Variants in EPHA3 observed in about 807,000 individuals in gnomAD.
EPHA3 encodes the protein ephrin type-A receptor 3.
In EPHA3, 42 loss-of-function variants were observed where a neutral mutation model predicts 107.1. The ratio of observed to expected loss-of-function variants is 0.39; its 90% CI spans 0.31 to 0.51. The LOEUF (loss-of-function observed/expected upper bound fraction) is 0.51. EPHA3 is among the 20% of genes least tolerant of loss of function. The probability of loss-of-function intolerance (pLI) is 0.78; values close to 1 mark genes in which losing one functional copy is unlikely to be tolerated. For missense variants in EPHA3, 1,183 were observed against 1,211.2 expected, an observed-to-expected ratio of 0.98 and a Z score of 0.35; for synonymous variants, 461 against 424.8, an observed-to-expected ratio of 1.09 and a Z score of -1.05.
chr3:89,454,369 G>A (rs1423696858), intron 15 of EPHA3, among the ~76,000 whole-genome samples: 1 of 152,086 alleles, frequency 6.6e-6, no homozygotes. Context: ...TACACCAGCA[G>A]CTACCCATTC....
chr3:89,400,091 T>C, intron 7 of EPHA3: 1 of 1,014,748 alleles, frequency 9.9e-7, no homozygotes, highest in Non-Finnish European at 1.2e-6. Flanking sequence ...AAAAGCCCTT[T>C]GCTAAAATAT....
At chr3:89,165,143 A>G (rs1297622079) in intron 2 of EPHA3, among the ~76,000 whole-genome samples, 1 of 152,214 alleles carries the variant, frequency 6.6e-6, no homozygotes, top group African/African-American at 2.4e-5. Context: ...ATGCAACAAC[A>G]TTCTAGACAA....
At chr3:89,166,821 T>TTTTGAATGGATAATTC (rs1705082743) in intron 2 of EPHA3, among the ~76,000 whole-genome samples, 1 of 152,162 alleles carries the variant, frequency 6.6e-6, no homozygotes, top group Admixed American at 6.5e-5. Context: ...AAGGGGGTGC[T>TTTTGAATGGATAATTC]TTTGAATGGA....
At chr3:89,153,317 C>T (rs1704727702) in intron 2 of EPHA3, among the ~76,000 whole-genome samples, 1 of 152,096 alleles carries the variant, frequency 6.6e-6, no homozygotes, top group Non-Finnish European at 1.5e-5. Flanking sequence ...GGTCCTTCTT[C>T]ATTGACTTTG....
chr3:89,393,066 C>T (rs373714550), intron 5 of EPHA3, among the ~76,000 whole-genome samples: 2 of 151,832 alleles, frequency 1.3e-5, no homozygotes, highest in Non-Finnish European at 1.5e-5. Context: ...TAAAAAGTAC[C>T]GGGCTTCCAG....
chr3:89,145,884 T>C (rs1162453469), intron 2 of EPHA3, among the ~76,000 whole-genome samples: 23 of 151,814 alleles, frequency 1.5e-4, no homozygotes, highest in Admixed American at 1.4e-3. Flanking sequence ...TCTTTGGCTT[T>C]AAAATAAGTT....
In EPHA3 at chr3:89,225,150, T is replaced by C. The variant is rs1576245206; in HGVS notation, c.814+14630T>C. On this transcript the variant is annotated intron_variant, in intron 3 of 16. Coordinates refer to ENST00000336596, the MANE Select transcript of EPHA3 (RefSeq NM_005233.6). The stretch of plus-strand genomic sequence containing the variant: ...CTAAAGACGTGAAGGTAGTAATTTG[T>C]AATCACATTTTATTTGCTATTATTT... Among the ~76,000 whole-genome samples the C allele has an allele frequency of 3.3e-5, 5 of 152,170 alleles. No individual in the cohort carries two copies. In the South Asian group the frequency reaches 8.3e-4, roughly 25 times the overall value.
chr3:89,208,548 GAGAA>G (rs1278568025), intron 2 of EPHA3, among the ~76,000 whole-genome samples: 94 of 143,734 alleles, frequency 6.5e-4, no homozygotes, highest in African/African-American at 1.6e-3. Flanking sequence ...AAAAAAGAAA[GAGAA>G]AGAAAGAAAG....
At chr3:89,209,215 C>T (rs1201120300) in intron 2 of EPHA3, among the ~76,000 whole-genome samples, 2 of 152,082 alleles carry the variant, frequency 1.3e-5, no homozygotes, top group Non-Finnish European at 2.9e-5. Flanking sequence ...CTTTAAGAAT[C>T]GAATGTTTGC....
chr3:89,176,740 C>T (rs569734419), intron 2 of EPHA3, among the ~76,000 whole-genome samples: 1 of 152,114 alleles, frequency 6.6e-6, no homozygotes, highest in East Asian at 1.9e-4. Context: ...TTAATACATA[C>T]ATCATAAAAT....
intron 3 of EPHA3, among the ~76,000 whole-genome samples, chr3:89,283,264 C>A (rs1705991858): frequency 6.6e-6 from 1 of 152,024 alleles, no homozygotes; most frequent in Non-Finnish European, 1.5e-5. Context: ...CCTTGTGTAA[C>A]TGAAACGTCA....
In EPHA3 at chr3:89,431,231, A is replaced by G. The variant is rs762621864; in HGVS notation, c.2218A>G (p.Met740Val). 2.5e-6 allele frequency: 4 copies of G among 1,613,928 alleles called. No homozygotes were observed. The highest frequency in any genetic ancestry group is 1.1e-5 in the South Asian group (1 of 91,078). The change falls in exon 13 of 17, where the codon ATG (methionine) becomes GTG (valine). Residue 740 changes from methionine to valine, a missense_variant. Coordinates refer to ENST00000336596, the MANE Select transcript of EPHA3 (RefSeq NM_005233.6). ...IASGMKYLSD[M>V]GYVHRDLAAR... is the part of the protein sequence containing the mutation. ...ATCTGGCATGAAGTACCTGTCAGAC[A>G]TGGGCTATGTTCACCGAGACCTCGC...
At position 89,472,498 on chromosome 3, in the gene EPHA3, G is replaced by T. The variant is rs374961385; in HGVS notation, c.2725G>T (p.Asp909Tyr). The change falls in exon 16 of 17, where the codon GAT becomes TAT. Residue 909 changes from aspartate to tyrosine, a missense_variant. Coordinates refer to ENST00000336596, the MANE Select transcript of EPHA3 (RefSeq NM_005233.6). ...CCTTCTTCTGGACCAAAGCAATGTGGATATCACTACCTTCCGCACAACAGG... is the reference window on the plus strand; with the variant it reads ...CCTTCTTCTGGACCAAAGCAATGTGTATATCACTACCTTCCGCACAACAGG... ...SNLLLDQSNVDITTFRTTGDW... is the reference protein window; with the variant it reads ...SNLLLDQSNVYITTFRTTGDW... The T allele has an allele frequency of 3.7e-6, 6 of 1,613,998 alleles. No homozygotes were observed. Among genetic ancestry groups the T allele is most frequent in the African/African-American group, 2.7e-5 (2 of 75,022 alleles).
At chr3:89,243,358 T>G (rs1490000585) in intron 3 of EPHA3, among the ~76,000 whole-genome samples, 1 of 152,032 alleles carries the variant, frequency 6.6e-6, no homozygotes, top group African/African-American at 2.4e-5. Context: ...TGAACTAGTT[T>G]ACAGTCCCAC....
intron 2 of EPHA3, among the ~76,000 whole-genome samples, chr3:89,163,184 A>G (rs1387468958): frequency 6.6e-6 from 1 of 152,172 alleles, no homozygotes; most frequent in Non-Finnish European, 1.5e-5. Context: ...TTCTTCTATA[A>G]TATAGGGATG....
At chr3:89,279,437 T>G (rs1705889520) in intron 3 of EPHA3, among the ~76,000 whole-genome samples, 1 of 152,136 alleles carries the variant, frequency 6.6e-6, no homozygotes, top group Admixed American at 6.6e-5. Context: ...AATTTTAAAT[T>G]TTTGGGTTTT....
In EPHA3 at chr3:89,359,772, CAT is replaced by C. The variant is rs537329429; in HGVS notation, c.1306+17690_1306+17691del. On this transcript the variant is annotated intron_variant, in intron 5 of 16. Coordinates refer to ENST00000336596, the MANE Select transcript of EPHA3 (RefSeq NM_005233.6). The stretch of plus-strand genomic sequence containing the variant: ...ACACATATATACACATATATACACA[CAT>C]ATATATACATATATATACATATATA... 4.3e-3 allele frequency among the ~76,000 whole-genome samples: 604 copies of C among 141,684 alleles called. 9 individuals carry two copies. The highest frequency in any genetic ancestry group is 0.012 in the African/African-American group (454 of 38,096). 93.0% of individuals were successfully genotyped at this position (141,684 alleles called of 152,430 possible). A position where few individuals can be genotyped will look rare whatever the true frequency, so the allele number is the denominator to read the frequency against.
rs112030442 is a variant in EPHA3, at chr3:89,220,893, T to G, written c.814+10373T>G. Reference sequence around the variant, plus strand: ...CTTTTAAAAATAGCCATTTCTTTCCTTTAGCATGTGACTGAGCTTGGCACT... The same window carrying G: ...CTTTTAAAAATAGCCATTTCTTTCCGTTAGCATGTGACTGAGCTTGGCACT... On this transcript the variant is annotated intron_variant, in intron 3 of 16. Transcript: ENST00000336596. Among the ~76,000 whole-genome samples the G allele has an allele frequency of 5.6e-3, 849 of 152,302 alleles. 8 individuals are homozygous for G. The highest frequency in any genetic ancestry group is 0.02 in the African/African-American group (819 of 41,558).
chr3:89,285,797 A>G (rs1405089407), intron 3 of EPHA3, among the ~76,000 whole-genome samples: 1 of 152,178 alleles, frequency 6.6e-6, no homozygotes, highest in Non-Finnish European at 1.5e-5. Context: ...ACTCCTGGTG[A>G]TGTCAGCAGA....
Sources: gnomAD v4.1 joint callset for allele counts (sites outside exome capture counted in the v4.1 genomes callset) on GRCh38, gnomAD v4.1.1 for gene constraint, MANE v1.5 for transcripts, NCBI Gene and HGNC (gene_info 2026-07-23, HGNC 2026-07-21) for gene names.